The following XRCC6 variants were observed in gnomAD, a reference collection of about 807,000 sequenced individuals.
XRCC6 encodes DNA repair protein Ku70.
A neutral mutation model predicts 65.7 loss-of-function variants in XRCC6; 5 were observed. That is an observed-to-expected ratio of 0.08 (90% CI 0.04 to 0.16). The LOEUF is 0.16. Among genes scored for constraint, XRCC6 ranks in the 10% least tolerant of loss-of-function variants. The probability of loss-of-function intolerance (pLI) is 1.00; values close to 1 mark genes in which losing one functional copy is unlikely to be tolerated. For missense variants in XRCC6, 447 were observed against 738.1 expected (o/e 0.61, Z 4.57); for synonymous variants, 270 against 270.6 (o/e 1.00, Z 0.02).
Position 41,636,594 on chromosome 22 carries a change from G to A in XRCC6, c.413G>A (p.Gly138Glu). 3 of 1,613,990 alleles carry A rather than the reference G, an allele frequency of 1.9e-6. No individual in the cohort carries two copies. Among genetic ancestry groups the A allele is most frequent in the Non-Finnish European group, 2.5e-6 (3 of 1,179,926 alleles). Reference protein sequence around the residue: ...QKRFQDMMGHGSDYSLSEVLW... With the variant: ...QKRFQDMMGHESDYSLSEVLW... ...CGTTTCCAAGACATGATGGGCCACG[G>A]ATCTGACTACTCACTCAGTGAAGTG... The change falls in exon 5 of 13, where the codon GGA (glycine) becomes GAA (glutamate). Residue 138 changes from glycine to glutamate, a missense_variant. Around this residue, in one of 4 missense-constraint regions of XRCC6, gnomAD observed 228 missense variants for 307.4 expected, o/e 0.74. Transcript: ENST00000360079.
intron 1 of XRCC6, 52 bp from the exon 2 acceptor site, chr22:41,621,938 T>C (rs891377721): frequency 1.4e-5 from 22 of 1,557,146 alleles, no homozygotes; most frequent in Non-Finnish European, 1.9e-5. Context: ...TAGAGGTCGG[T>C]ATTTTTTCGA....
chr22:41,645,000 G>A (rs2067916912), intron 6 of XRCC6, among the ~76,000 whole-genome samples: 1 of 151,984 alleles, frequency 6.6e-6, no homozygotes, highest in African/African-American at 2.4e-5. Context: ...TGAGTGGCAA[G>A]CAATAAAAAC....
rs761413214 is a variant in XRCC6 at position 41,650,864 on chromosome 22, G to A, written c.1102G>A (p.Val368Met). The A allele has an allele frequency of 4.6e-5, 75 of 1,614,028 alleles. No individual in the cohort carries two copies. Among genetic ancestry groups the A allele is most frequent in the Non-Finnish European group, 6.0e-5 (71 of 1,180,026 alleles). ...KHHYLRPSLFVYPEESLVIGS... is the reference protein window; with the variant it reads ...KHHYLRPSLFMYPEESLVIGS... ...CCATTACCTGAGGCCCTCCCTGTTC[G>A]TGTACCCAGAGGAGTCGCTGGTGAT... is the stretch of plus-strand genomic sequence containing the variant. The change falls in exon 8 of 13, where the codon GTG becomes ATG. Residue 368 changes from valine to methionine, a missense_variant. This residue lies in a region of XRCC6 where 201 missense variants were observed against 374.1 expected (regional missense o/e 0.54). Coordinates refer to ENST00000360079, the MANE Select transcript of XRCC6 (RefSeq NM_001469.5).
intron 2 of XRCC6, among the ~76,000 whole-genome samples, chr22:41,626,068 G>T (rs977107872): frequency 6.6e-6 from 1 of 151,824 alleles, no homozygotes; most frequent in Non-Finnish European, 1.5e-5. Flanking sequence ...TCAATCTCTT[G>T]ACCTTGTGAT....
Position 41,658,312 on chromosome 22 carries a change from C to T in XRCC6, c.1482C>T (p.Ala494=). The change falls in exon 11 of 13, where the codon GCC becomes GCT. Residue 494 remains alanine (A), a synonymous_variant. Coordinates refer to ENST00000360079, the MANE Select transcript of XRCC6 (RefSeq NM_001469.5). ...QQHFRNLEAL[A]LDLMEPEQAV... is the part of the protein sequence containing the mutation. ...ACTTCAGGAACCTGGAGGCCTTGGC[C>T]TTGGATTTGATGGAGCCGGAACAAG... 1 of 1,614,024 alleles carries T rather than the reference C, an allele frequency of 6.2e-7. No homozygotes were observed. The highest frequency in any genetic ancestry group is 8.5e-7 in the Non-Finnish European group (1 of 1,180,012).
intron 7 of XRCC6, among the ~76,000 whole-genome samples, chr22:41,650,235 G>A (rs1169841011): frequency 6.6e-6 from 1 of 151,878 alleles, no homozygotes; most frequent in Non-Finnish European, 1.5e-5. Context: ...CTCCCAAGTA[G>A]CTGGGACCAC....
Position 41,661,199 on chromosome 22 carries a change from G to T in XRCC6, c.1523-132G>T, listed in dbSNP as rs58076209. The T allele has an allele frequency of 3.8e-3, 2,727 of 708,362 alleles. 52 individuals are homozygous for T. In the African/African-American group the frequency reaches 0.042, roughly 11 times the overall value. 43.9% of individuals were successfully genotyped at this position (708,362 alleles called of 1,614,324 possible). Reference sequence around the variant, plus strand: ...GAAGGTACTTGGTAAATGCTGGAAAGACATTTCCCTAGACCCCTCCCACCT... The same window carrying T: ...GAAGGTACTTGGTAAATGCTGGAAATACATTTCCCTAGACCCCTCCCACCT... On this transcript the variant is annotated intron_variant, in intron 11 of 12. Transcript: ENST00000360079.
intron 3 of XRCC6, 142 bp from the exon 4 acceptor site, chr22:41,635,971 T>C (rs1231793147): frequency 1.6e-6 from 1 of 631,702 alleles, no homozygotes; most frequent in African/African-American, 1.9e-5. Context: ...ACTGATTCAT[T>C]ACCCCTGAAG....
chr22:41,662,344 G>A (rs562053968), intron 12 of XRCC6, among the ~76,000 whole-genome samples: 92 of 147,126 alleles, frequency 6.3e-4, no homozygotes, highest in African/African-American at 2.4e-3. Context: ...TATATACCTA[G>A]TATGTACCCA....
chr22:41,660,586 C>T (rs1424020736), intron 11 of XRCC6, among the ~76,000 whole-genome samples: 1 of 152,124 alleles, frequency 6.6e-6, no homozygotes, highest in Non-Finnish European at 1.5e-5. Flanking sequence ...CCTCATCATA[C>T]CCATCTTTCT....
intron 9 of XRCC6, 39 bp downstream of exon 9, chr22:41,653,729 C>A: frequency 6.2e-7 from 1 of 1,600,030 alleles, no homozygotes; most frequent in Non-Finnish European, 8.5e-7. Flanking sequence ...CTGAACCTTG[C>A]CCATACTTTG....
chr22:41,653,190 G>A (rs1419983901), intron 8 of XRCC6, among the ~76,000 whole-genome samples: 5 of 152,020 alleles, frequency 3.3e-5, no homozygotes, highest in Non-Finnish European at 2.9e-5. Context: ...GATCACTTGA[G>A]CCTAGGAGTT....
intron 2 of XRCC6, among the ~76,000 whole-genome samples, chr22:41,622,342 G>C (rs1417976422): frequency 6.6e-6 from 1 of 152,104 alleles, no homozygotes; most frequent in Non-Finnish European, 1.5e-5. Context: ...CATGACCATA[G>C]GTATTTTTTG....
intron 3 of XRCC6, among the ~76,000 whole-genome samples, chr22:41,632,764 A>C (rs1034491881): frequency 6.6e-6 from 1 of 151,398 alleles, no homozygotes; most frequent in Non-Finnish European, 1.5e-5. Flanking sequence ...TTGAGGCTGC[A>C]CTGAGCTATG....
intron 2 of XRCC6, among the ~76,000 whole-genome samples, chr22:41,627,142 T>C (rs1438017138): frequency 6.6e-6 from 1 of 152,144 alleles, no homozygotes; most frequent in East Asian, 1.9e-4. Context: ...ACACAAAGCA[T>C]CTTGGCTCTT....
intron 10 of XRCC6, 50 bp downstream of exon 10, chr22:41,657,082 A>C (rs2068051878): frequency 6.6e-7 from 1 of 1,523,870 alleles, no homozygotes; most frequent in Non-Finnish European, 8.8e-7. Context: ...TGAAAATCTT[A>C]TTAGAAACAG....
rs1333136800 is a variant in XRCC6 at position 41,656,892 on chromosome 22, C to T, written c.1292-11C>T. On this transcript the variant is annotated splice_polypyrimidine_tract_variant and intron_variant, in intron 9 of 12. Coordinates refer to ENST00000360079, the MANE Select transcript of XRCC6 (RefSeq NM_001469.5). The stretch of plus-strand genomic sequence containing the variant: ...AAGTCAAATCAAAGAAAATTTATCT[C>T]CTTTCTTCAGGCTTCCAGCTGGTCT... 1 of 1,612,464 alleles carries T rather than the reference C, an allele frequency of 6.2e-7. No homozygotes were observed.
chr22:41,640,887 G>C (rs954921855), intron 6 of XRCC6, among the ~76,000 whole-genome samples: 3 of 152,130 alleles, frequency 2.0e-5, no homozygotes, highest in African/African-American at 7.2e-5. Context: ...TTGGATTCTA[G>C]TCCTGGTCCC....
At chr22:41,632,201 T>G (rs570939099) in intron 3 of XRCC6, among the ~76,000 whole-genome samples, 90 of 152,266 alleles carry the variant, frequency 5.9e-4, no homozygotes, top group Admixed American at 1.2e-3. Flanking sequence ...GGATTACTGT[T>G]TCTTTTGTGT....
Sources: allele counts gnomAD v4.1 joint callset (sites outside exome capture counted in the v4.1 genomes callset), GRCh38; gene constraint gnomAD v4.1.1; regional missense constraint gnomAD v4.1.1; transcripts MANE v1.5; gene names NCBI Gene and HGNC (gene_info 2026-07-23, HGNC 2026-07-21).